ANK2: variants seen among roughly 807,000 people sequenced by gnomAD.
The protein encoded by ANK2 is ankyrin-2.
Under a neutral mutation model 360.5 loss-of-function variants are expected in ANK2, and 83 were observed. The ratio of observed to expected loss-of-function variants is 0.23; its 90% confidence interval spans 0.19 to 0.28. The LOEUF (loss-of-function observed/expected upper bound fraction) is 0.28. Ranked by LOEUF, ANK2 falls within the 10% of genes least tolerant of loss-of-function variation. The pLI, the probability that ANK2 is intolerant of heterozygous loss-of-function variation, is 1.00. For synonymous variants in ANK2, 1,740 were observed against 1,759.5 expected, an observed-to-expected ratio of 0.99 and a Z score of 0.28; for missense variants, 4,201 against 4,795.7, an observed-to-expected ratio of 0.88 and a Z score of 3.66.
chr4:113,283,779 C>T (rs2063327422), intron 18 of ANK2, among the ~76,000 whole-genome samples: 1 of 152,150 alleles, frequency 6.6e-6, no homozygotes, highest in African/African-American at 2.4e-5. Flanking sequence ...TTTTGTAATA[C>T]ATTATATGAG....
chr4:112,880,718 GTCC>G (rs372794228), intron 1 of ANK2: 1 of 152,196 alleles, frequency 6.6e-6, no homozygotes, highest in South Asian at 2.1e-4. Context: ...ATTCTTCTGT[GTCC>G]TCTGATCCTT....
the ANK2 span, among the ~76,000 whole-genome samples, chr4:112,769,227 G>T: frequency 6.6e-6 from 1 of 152,168 alleles, no homozygotes; most frequent in African/African-American, 2.4e-5. Context: ...TGTGGAATAT[G>T]CTCATGGTGA....
chr4:112,760,681 A>G, the ANK2 span, among the ~76,000 whole-genome samples: 1 of 152,110 alleles, frequency 6.6e-6, no homozygotes, highest in East Asian at 1.9e-4. Flanking sequence ...TCCTAATGCT[A>G]TCCCTCGCCC....
chr4:113,216,629 C>A (rs970649016), intron 4 of ANK2, among the ~76,000 whole-genome samples: 3 of 152,210 alleles, frequency 2.0e-5, no homozygotes, highest in Non-Finnish European at 4.4e-5. Context: ...GTAAACACAT[C>A]TAACAGATCA....
intron 1 of ANK2, among the ~76,000 whole-genome samples, chr4:113,075,060 G>A (rs895550004): frequency 6.6e-6 from 1 of 152,182 alleles, no homozygotes; most frequent in African/African-American, 2.4e-5. Context: ...AGCTAATGCA[G>A]GATGTTGGCC....
intron 1 of ANK2, among the ~76,000 whole-genome samples, chr4:112,869,998 T>G (rs1211850766): frequency 6.6e-6 from 1 of 151,050 alleles, no homozygotes; most frequent in African/African-American, 2.4e-5. Context: ...TTTGTTTTTG[T>G]TTGTTTGTTT....
At chr4:113,146,295 G>C (rs1416781151) in intron 1 of ANK2, among the ~76,000 whole-genome samples, 3 of 152,168 alleles carry the variant, frequency 2.0e-5, no homozygotes, top group African/African-American at 7.2e-5. Flanking sequence ...GTGGACATAC[G>C]TATTATTATA....
intron 1 of ANK2, among the ~76,000 whole-genome samples, chr4:112,874,666 G>C (rs1385274871): frequency 7.2e-6 from 1 of 139,694 alleles, no homozygotes; most frequent in South Asian, 2.3e-4. Context: ...AAAAAAAAAA[G>C]TGTGAATAGC....
At chr4:113,162,738 T>G (rs1231495310) in intron 1 of ANK2, among the ~76,000 whole-genome samples, 5 of 148,026 alleles carry the variant, frequency 3.4e-5, no homozygotes, top group East Asian at 1.9e-4. Context: ...AAGGTTTTTT[T>G]TTTTTTTTTT....
At chr4:113,228,080 CAT>C (rs1244117794) in intron 4 of ANK2, among the ~76,000 whole-genome samples, 1 of 152,208 alleles carries the variant, frequency 6.6e-6, no homozygotes. Flanking sequence ...GCAAGGCACA[CAT>C]GTGATGTTTG....
At chr4:113,017,495 A>G (rs2154295644) in intron 2 of ANK2, among the ~76,000 whole-genome samples, 1 of 152,338 alleles carries the variant, frequency 6.6e-6, no homozygotes, top group South Asian at 2.1e-4. Flanking sequence ...CTAAACCAAC[A>G]TTGCAGAAAT....
intron 2 of ANK2, among the ~76,000 whole-genome samples, chr4:112,933,872 T>C (rs969683857): frequency 3.9e-5 from 6 of 152,090 alleles, no homozygotes; most frequent in Admixed American, 6.6e-5. Context: ...GTACAAATAA[T>C]TAATGTAAAC....
At chr4:112,937,245 A>C (rs1230701177) in intron 2 of ANK2, among the ~76,000 whole-genome samples, 1 of 152,108 alleles carries the variant, frequency 6.6e-6, no homozygotes, top group African/African-American at 2.4e-5. Context: ...TACCTTTTGG[A>C]TGGCAGGCTC....
intron 1 of ANK2, among the ~76,000 whole-genome samples, chr4:113,163,764 CAA>C (rs1158530849): frequency 0.04 from 2,227 of 55,058 alleles, 101 homozygotes; most frequent in African/African-American, 0.12. Flanking sequence ...AACTTCGTCT[CAA>C]AAAAAAAAAA....
At chr4:113,337,362 G>A (rs1399574669) in intron 31 of ANK2, among the ~76,000 whole-genome samples, 2 of 152,214 alleles carry the variant, frequency 1.3e-5, no homozygotes, top group South Asian at 2.1e-4. Flanking sequence ...TTGTGTAGTC[G>A]CTTTCAGACA....
intron 1 of ANK2, chr4:113,160,324 TC>T (rs1434901932): frequency 4.8e-6 from 2 of 417,200 alleles, no homozygotes; most frequent in Non-Finnish European, 9.5e-6. Context: ...CTTCAGCCTC[TC>T]AAAGTGCTAG....
chr4:113,047,848 G>A (rs927865379), upstream of ANK2, among the ~76,000 whole-genome samples: 13 of 151,972 alleles, frequency 8.6e-5, no homozygotes, highest in Non-Finnish European at 1.3e-4. Context: ...TGACGTGGAG[G>A]GGCCTTAGGG....
chr4:112,885,839 G>A lies in ANK2; in HGVS notation c.-39-18616G>A, dbSNP rs887859962. On this transcript the variant is annotated intron_variant, in intron 1 of 30. Transcript: ENST00000503271. ...AAAAAAAAAAAATTAAATAAGCAGC[G>A]CAACCTTCCATTGACATTGATACTC... 3.7e-4 allele frequency among the ~76,000 whole-genome samples: 53 copies of A among 144,836 alleles called. 1 individual carries two copies. The highest frequency in any genetic ancestry group is 2.6e-3 in the Admixed American group (37 of 14,508).
upstream of ANK2, among the ~76,000 whole-genome samples, chr4:113,048,246 G>C (rs2065227428): frequency 3.7e-5 from 2 of 54,604 alleles, no homozygotes; most frequent in African/African-American, 1.6e-4. Flanking sequence ...ATCTACAAGT[G>C]TGTATATATA....
Sources: allele counts gnomAD v4.1 joint callset (sites outside exome capture counted in the v4.1 genomes callset), GRCh38; gene constraint gnomAD v4.1.1; transcripts MANE v1.5; gene names NCBI Gene and HGNC (gene_info 2026-07-23, HGNC 2026-07-21).